Variants in TTLL13 observed in about 807,000 individuals in gnomAD.
TTLL13 encodes tubulin polyglutamylase TTLL13.
At chr15:90,265,432 T>G in the TTLL13 span, 6 of 1,300,658 alleles carry the variant, frequency 4.6e-6, no homozygotes, top group Non-Finnish European at 5.9e-6. Flanking sequence ...GAGGGACGGC[T>G]CTTGGAAACG....
the TTLL13 span, chr15:90,257,491 G>A: frequency 3.1e-6 from 3 of 973,130 alleles, no homozygotes; most frequent in Non-Finnish European, 4.5e-6. Context: ...CTCTTCCCCA[G>A]GATCATCTAG....
At chr15:90,259,548 T>C in the TTLL13 span, among the ~76,000 whole-genome samples, 2 of 152,236 alleles carry the variant, frequency 1.3e-5, no homozygotes, top group African/African-American at 2.4e-5. Context: ...TTAATATATA[T>C]GTATTTATAC....
chr15:90,257,189 A>G, the TTLL13 span: 1 of 1,613,726 alleles, frequency 6.2e-7, no homozygotes, highest in African/African-American at 1.3e-5. Flanking sequence ...CGTCCTGATC[A>G]CATCCTGTGA....
chr15:90,256,336 C>T, the TTLL13 span: 5 of 1,612,696 alleles, frequency 3.1e-6, no homozygotes, highest in Non-Finnish European at 4.2e-6. Flanking sequence ...TCCCTAGTCC[C>T]CAGCACTGGG....
At chr15:90,254,478 G>GT in the TTLL13 span, among the ~76,000 whole-genome samples, 1 of 122,046 alleles carries the variant, frequency 8.2e-6, no homozygotes, top group East Asian at 3.8e-4. Flanking sequence ...GGGTGACAGA[G>GT]TGAGACTCCA....
chr15:90,253,971 G>T, the TTLL13 span, among the ~76,000 whole-genome samples: 1 of 152,210 alleles, frequency 6.6e-6, no homozygotes, highest in Non-Finnish European at 1.5e-5. Flanking sequence ...ACTAGTCTTG[G>T]GAGAGGTGCC....
the TTLL13 span, chr15:90,257,185 GATCAC>G: frequency 6.2e-7 from 1 of 1,613,878 alleles, no homozygotes; most frequent in Non-Finnish European, 8.5e-7. Flanking sequence ...TCTACGTCCT[GATCAC>G]ATCCTGTGAC....
the TTLL13 span, chr15:90,250,503 G>A: frequency 2.5e-6 from 3 of 1,206,364 alleles, no homozygotes; most frequent in Admixed American, 2.6e-5. Context: ...TGAAGGGGCA[G>A]CAACTTTCCC....
chr15:90,257,891 C>A, the TTLL13 span: 1 of 937,298 alleles, frequency 1.1e-6, no homozygotes, highest in Non-Finnish European at 1.6e-6. Flanking sequence ...CCCCAAACCT[C>A]ACCCTGATAA....
the TTLL13 span, chr15:90,256,428 A>C: frequency 8.8e-7 from 1 of 1,140,872 alleles, no homozygotes; most frequent in Non-Finnish European, 1.3e-6. Context: ...TCCTGGAGGC[A>C]GTATCCAGCC....
chr15:90,253,000 A>AAAAC, the TTLL13 span, among the ~76,000 whole-genome samples: 53 of 152,260 alleles, frequency 3.5e-4, no homozygotes, highest in African/African-American at 5.1e-4. Flanking sequence ...CCGTCTCTAA[A>AAAAC]AAACAAACAA....
At chr15:90,249,705 A>G in the TTLL13 span, 13 of 152,372 alleles carry the variant, frequency 8.5e-5, no homozygotes, top group Non-Finnish European at 1.5e-4. Context: ...ACGCCCAGGG[A>G]GACCTGGAGC....
the TTLL13 span, among the ~76,000 whole-genome samples, chr15:90,254,205 A>T: frequency 1.2e-3 from 102 of 81,606 alleles, no homozygotes; most frequent in African/African-American, 3.7e-3. Context: ...TTTTTTTTAA[A>T]AAAAAAAGGC....
chr15:90,262,681 T>C, the TTLL13 span: 1 of 1,467,012 alleles, frequency 6.8e-7, no homozygotes, highest in African/African-American at 1.4e-5. Context: ...TGCCAGGGGT[T>C]TTGTAGCTCT....
the TTLL13 span, chr15:90,257,588 G>T: frequency 7.1e-6 from 11 of 1,559,856 alleles, no homozygotes; most frequent in Non-Finnish European, 1.8e-6. Flanking sequence ...GGCTGGAGAG[G>T]ACGGCCGCAT....
At chr15:90,256,243 T>C in the TTLL13 span, 1 of 1,613,934 alleles carries the variant, frequency 6.2e-7, no homozygotes, top group Non-Finnish European at 8.5e-7. Flanking sequence ...TTACCCGAAA[T>C]CCCCGGGAGA....
the TTLL13 span, among the ~76,000 whole-genome samples, chr15:90,253,615 G>C: frequency 6.6e-6 from 1 of 152,150 alleles, no homozygotes; most frequent in South Asian, 2.1e-4. Flanking sequence ...TTGCTTGGTG[G>C]CATCTGTGTG....
the TTLL13 span, among the ~76,000 whole-genome samples, chr15:90,256,611 T>TTTCTTTC: frequency 2.2e-3 from 95 of 43,168 alleles, no homozygotes; most frequent in African/African-American, 0.011. Flanking sequence ...CTTTCTTTCC[T>TTTCTTTC]TCCTTCCTTC....
the TTLL13 span, chr15:90,255,875 C>T: frequency 6.2e-7 from 1 of 1,614,192 alleles, no homozygotes. Context: ...CACCTGGTGC[C>T]TCCCCGCAGA....
Sources: allele counts gnomAD v4.1 joint callset (sites outside exome capture counted in the v4.1 genomes callset), GRCh38; gene constraint gnomAD v4.1.1; transcripts MANE v1.5; gene names NCBI Gene and HGNC (gene_info 2026-07-23, HGNC 2026-07-21).